The following ERBB4 variants were observed in gnomAD, a reference collection of about 807,000 sequenced individuals.
ERBB4 encodes receptor tyrosine-protein kinase erbB-4.
A neutral mutation model predicts 158.0 loss-of-function variants in ERBB4; 42 were observed. The observed-to-expected ratio is 0.27, with a 90% CI of 0.21 to 0.34. ERBB4 has a LOEUF of 0.34. ERBB4 is among the 10% of genes least tolerant of loss of function. The pLI, the probability that ERBB4 is intolerant of heterozygous loss-of-function variation, is 1.00. For synonymous variants in ERBB4, 583 were observed against 558.7 expected (o/e 1.04, Z -0.61); for missense variants, 1,333 against 1,624.1 (o/e 0.82, Z 3.08).
At chr2:211,917,225 T>A (rs1210173731) in intron 3 of ERBB4, among the ~76,000 whole-genome samples, 2 of 152,190 alleles carry the variant, frequency 1.3e-5, no homozygotes, top group African/African-American at 4.8e-5. Flanking sequence ...CTTTGGAAAT[T>A]AGATTTATTG....
chr2:212,147,575 A>G (rs907123041), intron 1 of ERBB4, among the ~76,000 whole-genome samples: 7 of 152,142 alleles, frequency 4.6e-5, no homozygotes, highest in African/African-American at 1.7e-4. Flanking sequence ...ACAAACTACT[A>G]TCTACCACAG....
chr2:212,177,857 G>T (rs925628809), intron 1 of ERBB4, among the ~76,000 whole-genome samples: 1 of 151,834 alleles, frequency 6.6e-6, no homozygotes, highest in African/African-American at 2.4e-5. Flanking sequence ...GCTCAATTAG[G>T]CCAGAAGAGG....
chr2:212,490,129 G>A (rs1690192267), intron 1 of ERBB4, among the ~76,000 whole-genome samples: 1 of 151,752 alleles, frequency 6.6e-6, no homozygotes, highest in South Asian at 2.1e-4. Context: ...CCTTTGTAAA[G>A]GTTTCTCTTT....
intron 20 of ERBB4, among the ~76,000 whole-genome samples, chr2:211,522,178 C>T (rs1574662743): frequency 1.3e-5 from 2 of 152,092 alleles, no homozygotes; most frequent in Non-Finnish European, 2.9e-5. Flanking sequence ...AAAGGATTCA[C>T]CATTTTAGAG....
intron 16 of ERBB4, among the ~76,000 whole-genome samples, chr2:211,653,572 T>G (rs1418975943): frequency 6.7e-6 from 1 of 150,266 alleles, no homozygotes; most frequent in East Asian, 2.0e-4. Flanking sequence ...AATGGCCACA[T>G]TGACATGCTC....
intron 2 of ERBB4, among the ~76,000 whole-genome samples, chr2:211,956,560 T>C (rs1159692729): frequency 1.3e-5 from 2 of 152,192 alleles, no homozygotes; most frequent in South Asian, 4.1e-4. Flanking sequence ...ATTACGTTCC[T>C]CTTCTGCACA....
At chr2:211,766,894 G>C (rs1043759519) in intron 4 of ERBB4, among the ~76,000 whole-genome samples, 3 of 152,198 alleles carry the variant, frequency 2.0e-5, no homozygotes, top group African/African-American at 7.2e-5. Flanking sequence ...AAACCGGTCA[G>C]ACTGGTCATG....
At chr2:211,587,155 C>A (rs1032030077) in intron 19 of ERBB4, among the ~76,000 whole-genome samples, 1 of 150,300 alleles carries the variant, frequency 6.7e-6, no homozygotes, top group Non-Finnish European at 1.5e-5. Context: ...AGTTCAAGAC[C>A]AGCCTGGCCA....
chr2:212,115,550 C>G (rs965182829), intron 2 of ERBB4, among the ~76,000 whole-genome samples: 1 of 152,190 alleles, frequency 6.6e-6, no homozygotes, highest in Non-Finnish European at 1.5e-5. Flanking sequence ...AAGGTCCTTG[C>G]TGTTCCCAAA....
chr2:211,974,510 C>G (rs2081548634), intron 2 of ERBB4, among the ~76,000 whole-genome samples: 2 of 152,158 alleles, frequency 1.3e-5, no homozygotes, highest in African/African-American at 2.4e-5. Flanking sequence ...TTATCCAAAC[C>G]TTCTTAGTCT....
chr2:211,427,766 T>C (rs139906078), intron 22 of ERBB4, among the ~76,000 whole-genome samples: 1 of 152,054 alleles, frequency 6.6e-6, no homozygotes, highest in Non-Finnish European at 1.5e-5. Context: ...TTCAGAGTTA[T>C]GTTTTTGAAA....
intron 1 of ERBB4, among the ~76,000 whole-genome samples, chr2:212,532,228 T>C (rs1692792784): frequency 6.6e-6 from 1 of 152,226 alleles, no homozygotes. Flanking sequence ...ACCTAAAACA[T>C]AAGATGACTG....
intron 1 of ERBB4, among the ~76,000 whole-genome samples, chr2:212,409,258 C>G (rs1574864773): frequency 6.6e-6 from 1 of 152,204 alleles, no homozygotes; most frequent in East Asian, 1.9e-4. Context: ...ACCTACTTGT[C>G]CATTTTAATC....
chr2:212,101,722 C>T (rs2125518462), intron 2 of ERBB4, among the ~76,000 whole-genome samples: 1 of 152,062 alleles, frequency 6.6e-6, no homozygotes, highest in Middle Eastern at 3.4e-3. Flanking sequence ...CAAGATTTCT[C>T]ACTTCTTTCA....
intron 20 of ERBB4, among the ~76,000 whole-genome samples, chr2:211,460,792 T>C (rs2064511198): frequency 6.6e-6 from 1 of 152,190 alleles, no homozygotes; most frequent in South Asian, 2.1e-4. Flanking sequence ...TCCTTTCAAA[T>C]GTTTAAAATA....
chr2:211,732,883 A>G (rs1048991053), intron 5 of ERBB4, among the ~76,000 whole-genome samples: 16 of 152,360 alleles, frequency 1.1e-4, no homozygotes, highest in African/African-American at 3.1e-4. Context: ...AGGCTGAGGC[A>G]GGAGAATCAC....
At chr2:211,485,946 A>AT (rs1213340794) in intron 20 of ERBB4, among the ~76,000 whole-genome samples, 1 of 152,050 alleles carries the variant, frequency 6.6e-6, no homozygotes, top group Non-Finnish European at 1.5e-5. Context: ...TTATAATTTT[A>AT]TTTTTCTAAG....
chr2:211,474,963 A>G (rs1378811613), intron 20 of ERBB4, among the ~76,000 whole-genome samples: 1 of 152,030 alleles, frequency 6.6e-6, no homozygotes, highest in Admixed American at 6.6e-5. Flanking sequence ...TGGGGAAGAG[A>G]GAAATGGGAA....
At chr2:212,250,473 G>A (rs1460638252) in intron 1 of ERBB4, among the ~76,000 whole-genome samples, 1 of 151,754 alleles carries the variant, frequency 6.6e-6, no homozygotes, top group Non-Finnish European at 1.5e-5. Flanking sequence ...CTCCTTATTT[G>A]CTTCCTCATT....
Sources: gnomAD v4.1 joint callset for allele counts (sites outside exome capture counted in the v4.1 genomes callset) on GRCh38, gnomAD v4.1.1 for gene constraint, MANE v1.5 for transcripts, NCBI Gene and HGNC (gene_info 2026-07-23, HGNC 2026-07-21) for gene names.